Variants in KIAA0319L observed in about 807,000 individuals in gnomAD.
KIAA0319L encodes dyslexia-associated protein KIAA0319-like protein.
Under a neutral mutation model 120.1 loss-of-function variants are expected in KIAA0319L, and 55 were observed. The observed-to-expected ratio is 0.46, with a 90% CI of 0.37 to 0.57. KIAA0319L has a LOEUF of 0.57. KIAA0319L is among the 20% of genes least tolerant of loss of function. The probability of loss-of-function intolerance (pLI) is 0.00; values close to 1 mark genes in which losing one functional copy is unlikely to be tolerated. For synonymous variants in KIAA0319L, 398 were observed against 471.9 expected, an observed-to-expected ratio of 0.84 and a Z score of 2.03; for missense variants, 1,049 against 1,255.3, an observed-to-expected ratio of 0.84 and a Z score of 2.48.
Position 35,450,435 on chromosome 1 carries a change from C to G in KIAA0319L, c.2137G>C (p.Asp713His). ...TTGTCATCTGAGGACTTAGAGCCAT[C>G]CAGCTCTGCTGTGCTCGTGGGTAGG... ...ITLPTSTAELDGSKSSDDKGI... is the reference protein window; with the variant it reads ...ITLPTSTAELHGSKSSDDKGI... Residue 713 changes from aspartate to histidine, a missense_variant, in exon 14 of 21, where the codon GAT becomes CAT. By Grantham distance (81) the Asp-to-His change is moderately conservative (BLOSUM62 -1). Transcript: ENST00000325722. 6.2e-7 allele frequency: 1 copy of G among 1,613,874 alleles called. No homozygotes were observed. The highest frequency in any genetic ancestry group is 1.1e-5 in the South Asian group (1 of 91,066).
chr1:35,438,839 A>AAACAAC (rs895278258), intron 20 of KIAA0319L: 6 of 152,142 alleles, frequency 3.9e-5, no homozygotes, highest in East Asian at 1.9e-4. Flanking sequence ...CAAAAATACA[A>AAACAAC]AACAACAACA....
intron 17 of KIAA0319L, 100 bp from the exon 18 acceptor site, chr1:35,443,128 G>T: frequency 7.0e-7 from 1 of 1,422,686 alleles, no homozygotes; most frequent in Non-Finnish European, 9.7e-7. Context: ...CCAGATTAAT[G>T]CTATGTGGTG....
At chr1:35,504,585 G>C (rs139411731) in intron 3 of KIAA0319L, among the ~76,000 whole-genome samples, 1 of 152,114 alleles carries the variant, frequency 6.6e-6, no homozygotes, top group Admixed American at 6.6e-5. Flanking sequence ...TTATCTTATT[G>C]GTAAGGCTTC....
chr1:35,477,467 A>G (rs1383439959), intron 4 of KIAA0319L, among the ~76,000 whole-genome samples: 5 of 152,122 alleles, frequency 3.3e-5, no homozygotes, highest in Non-Finnish European at 7.4e-5. Flanking sequence ...GGAGATCGAG[A>G]CCATCCTGGC....
intron 4 of KIAA0319L, among the ~76,000 whole-genome samples, 167 bp from the exon 5 acceptor site, chr1:35,475,073 T>C (rs1370000297): frequency 6.6e-6 from 1 of 152,170 alleles, no homozygotes; most frequent in Non-Finnish European, 1.5e-5. Context: ...TGTCCCCACT[T>C]TTCCATTGAA....
rs1189085625 is a variant in KIAA0319L at position 35,513,267 on chromosome 1, C to CAT, written c.143-6134_143-6133dup. 6.3e-3 allele frequency among the ~76,000 whole-genome samples: 679 copies of CAT among 107,298 alleles called. 8 individuals are homozygous for CAT. Among genetic ancestry groups the CAT allele is most frequent in the East Asian group, 0.023 (83 of 3,544 alleles). The allele number at this position is 107,298 out of a possible 152,430, so 70.4% of individuals were successfully genotyped here. ...ATATATATAAATCATATCTATATAA[C>CAT]ATATATATATATATATATATATTTT... On this transcript the variant is annotated intron_variant, in intron 2 of 20. Transcript: ENST00000325722.
At position 35,456,132 on chromosome 1, in the gene KIAA0319L, T is replaced by A; in HGVS notation, c.1537A>T (p.Ile513Phe). 6.2e-7 allele frequency: 1 copy of A among 1,614,054 alleles called. No homozygotes were observed. The highest frequency in any genetic ancestry group is 8.5e-7 in the Non-Finnish European group (1 of 1,180,006). The change falls in exon 10 of 21, where the codon ATC becomes TTC. Residue 513 changes from isoleucine (I) to phenylalanine (F), a missense_variant. By Grantham distance (21) the Ile-to-Phe change is conservative. Coordinates refer to ENST00000325722, the MANE Select transcript of KIAA0319L (RefSeq NM_024874.5). ...PVANAGPNQVITLPQNSITLF... is the reference protein window; with the variant it reads ...PVANAGPNQVFTLPQNSITLF... ...GTGATGGAGTTTTGGGGCAGGGTGATCACTTGGTTGGGGCCTGCGTTGGCC... is the reference window on the plus strand; with the variant it reads ...GTGATGGAGTTTTGGGGCAGGGTGAACACTTGGTTGGGGCCTGCGTTGGCC...
At chr1:35,526,421 A>G (rs1262050794) in intron 2 of KIAA0319L, among the ~76,000 whole-genome samples, 2 of 141,748 alleles carry the variant, frequency 1.4e-5, no homozygotes, top group Non-Finnish European at 3.0e-5. Context: ...ACACACATAC[A>G]TATATATATG....
intron 2 of KIAA0319L, among the ~76,000 whole-genome samples, chr1:35,519,852 C>T (rs1645838997): frequency 6.6e-6 from 1 of 152,144 alleles, no homozygotes; most frequent in African/African-American, 2.4e-5. Flanking sequence ...TTCTATAGTC[C>T]ATTGCTTCAA....
chr1:35,470,780 A>AC lies in KIAA0319L; in HGVS notation c.1113+82_1113+83insG. 3 of 865,034 alleles carry AC rather than the reference A, an allele frequency of 3.5e-6. No homozygotes were observed. In the East Asian group the frequency reaches 7.3e-5, roughly 21 times the overall value. The allele number at this position is 865,034 out of a possible 1,614,324, so 53.6% of individuals were successfully genotyped here. A position where few individuals can be genotyped will look rare whatever the true frequency, so the allele number is the denominator to read the frequency against. On this transcript the variant is annotated intron_variant, in intron 6 of 20. Transcript: ENST00000325722. ...AAAAGACTGTTTACAACTTAAGTGT[A>AC]GACAGAAAATTATATGATATTCATT... is the stretch of plus-strand genomic sequence containing the variant.
chr1:35,441,102 C>G lies in KIAA0319L; in HGVS notation c.2907G>C (p.Lys969Asn), dbSNP rs1289055557. ...TTTCCTGATCCGTGGCATCCAGGAT[C>G]TTGTACTTGCTTTTCCTCTTGGGTT... is the stretch of plus-strand genomic sequence containing the variant. The part of the protein sequence containing the change: ...KGKPKRKSKY[K>N]ILDATDQESL... The change falls in exon 20 of 21, where the codon AAG (lysine) becomes AAC (asparagine). Residue 969 changes from lysine (K) to asparagine (N), a missense_variant. By Grantham distance (94) the Lys-to-Asn change is moderately conservative (BLOSUM62 0). Transcript: ENST00000325722. 1 of 1,614,168 alleles carries G rather than the reference C, an allele frequency of 6.2e-7. No individual in the cohort carries two copies. The highest frequency in any genetic ancestry group is 1.1e-5 in the South Asian group (1 of 91,088).
At chr1:35,471,611 C>T (rs1016719400) in intron 5 of KIAA0319L, among the ~76,000 whole-genome samples, 2 of 152,122 alleles carry the variant, frequency 1.3e-5, no homozygotes. Context: ...TGGTAGGATC[C>T]TATCTAAATG....
At chr1:35,463,070 T>C (rs1050293339) in intron 7 of KIAA0319L, among the ~76,000 whole-genome samples, 1 of 152,146 alleles carries the variant, frequency 6.6e-6, no homozygotes, top group South Asian at 2.1e-4. Context: ...CAGGCAGTAG[T>C]GCTCACTCAC....
At chr1:35,439,447 A>C (rs1405644356) in intron 20 of KIAA0319L, 1 of 152,262 alleles carries the variant, frequency 6.6e-6, no homozygotes, top group Non-Finnish European at 1.5e-5. Context: ...TGTCTGGCAC[A>C]GGGCCTGGCA....
At chr1:35,545,525 C>A (rs1391436839) in intron 2 of KIAA0319L, among the ~76,000 whole-genome samples, 1 of 152,152 alleles carries the variant, frequency 6.6e-6, no homozygotes, top group African/African-American at 2.4e-5. Context: ...ATACATCAGG[C>A]AGAATGGTAA....
intron 2 of KIAA0319L, among the ~76,000 whole-genome samples, chr1:35,547,949 C>T (rs1304922635): frequency 1.3e-5 from 2 of 152,078 alleles, no homozygotes; most frequent in African/African-American, 4.8e-5. Context: ...GGCAAAACCC[C>T]ATCTCTACTA....
At chr1:35,495,879 AAC>A (rs1558480412) in intron 3 of KIAA0319L, among the ~76,000 whole-genome samples, 1 of 152,014 alleles carries the variant, frequency 6.6e-6, no homozygotes, top group Non-Finnish European at 1.5e-5. Flanking sequence ...AAAAAAAAAA[AAC>A]ATGAATGGCA....
At chr1:35,473,308 G>C (rs1643755248) in intron 5 of KIAA0319L, among the ~76,000 whole-genome samples, 1 of 151,626 alleles carries the variant, frequency 6.6e-6, no homozygotes, top group Non-Finnish European at 1.5e-5. Flanking sequence ...ACGTTGGCCA[G>C]GCTGGTCTTG....
At chr1:35,530,264 G>A (rs1202802099) in intron 2 of KIAA0319L, among the ~76,000 whole-genome samples, 4 of 150,498 alleles carry the variant, frequency 2.7e-5, no homozygotes, top group African/African-American at 7.4e-5. Context: ...GGACTCAAGC[G>A]ATCTGCTTGT....
Sources: allele counts gnomAD v4.1 joint callset (sites outside exome capture counted in the v4.1 genomes callset), GRCh38; gene constraint gnomAD v4.1.1; transcripts MANE v1.5; gene names NCBI Gene and HGNC (gene_info 2026-07-23, HGNC 2026-07-21).